Variants in ZFYVE9 observed in about 807,000 individuals in gnomAD.
The protein encoded by ZFYVE9 is zinc finger FYVE-type containing 9, also known as zinc finger FYVE domain-containing protein 9.
Under a neutral mutation model 126.7 loss-of-function variants are expected in ZFYVE9, and 43 were observed. That is an observed-to-expected ratio of 0.34 (90% CI 0.27 to 0.44). The LOEUF (loss-of-function observed/expected upper bound fraction) is 0.44. Among genes scored for constraint, ZFYVE9 ranks in the 20% least tolerant of loss-of-function variants. ZFYVE9 has a pLI of 1.00. For synonymous variants in ZFYVE9, 521 were observed against 597.4 expected (o/e 0.87, Z 1.87); for missense variants, 1,476 against 1,697.0 (o/e 0.87, Z 2.29).
intron 1 of ZFYVE9, chr1:52,160,268 T>G (rs1644444266): frequency 1.1e-6 from 1 of 902,244 alleles, no homozygotes; most frequent in South Asian, 1.3e-5. Context: ...CAATTAAATC[T>G]TTACAACAGT....
rs1330302768 is a variant in ZFYVE9 at position 52,238,442 on chromosome 1, A to C, written c.1025A>C (p.Lys342Thr). 6.2e-7 allele frequency: 1 copy of C among 1,614,112 alleles called. No homozygotes were observed. Among genetic ancestry groups the C allele is most frequent in the Admixed American group, 1.7e-5 (1 of 60,006 alleles). ...CGGTCTGGTTTACCTTTGCTTCTCA[A>C]ACCAGACATGCCTAATGGGTCTGGA... ...SLRSGLPLLL[K>T]PDMPNGSGRN... The change falls in exon 4 of 19, where the codon AAA (lysine) becomes ACA (threonine). Residue 342 changes from lysine (K) to threonine (T), a missense_variant. Physicochemically the swap from Lys to Thr is moderately conservative, Grantham distance 78 (BLOSUM62 -1). Around this residue, in one of 2 missense-constraint regions of ZFYVE9, gnomAD observed 807 missense variants for 794.6 expected, o/e 1.02. Transcript: ENST00000287727.
intron 1 of ZFYVE9, among the ~76,000 whole-genome samples, chr1:52,188,258 A>G (rs1644783338): frequency 6.6e-6 from 1 of 152,124 alleles, no homozygotes; most frequent in African/African-American, 2.4e-5. Context: ...TCTTACTTAT[A>G]AGTGAGAGCT....
intron 3 of ZFYVE9, among the ~76,000 whole-genome samples, chr1:52,235,338 C>T (rs1008010948): frequency 1.8e-4 from 27 of 152,088 alleles, no homozygotes; most frequent in Admixed American, 5.2e-4. Context: ...ACTGGGCAAT[C>T]AACATTATGC....
intron 1 of ZFYVE9, among the ~76,000 whole-genome samples, chr1:52,179,234 G>T (rs962753282): frequency 1.3e-5 from 2 of 152,162 alleles, no homozygotes; most frequent in African/African-American, 4.8e-5. Flanking sequence ...AGACATACTA[G>T]GTTTTAGGGA....
intron 10 of ZFYVE9, among the ~76,000 whole-genome samples, chr1:52,283,033 A>G (rs557151590): frequency 2.6e-5 from 4 of 152,294 alleles, no homozygotes; most frequent in African/African-American, 9.6e-5. Context: ...TACATTGGAA[A>G]CTGACCACAT....
At chr1:52,146,988 T>C (rs1644311719) in intron 1 of ZFYVE9, among the ~76,000 whole-genome samples, 1 of 152,166 alleles carries the variant, frequency 6.6e-6, no homozygotes, top group Non-Finnish European at 1.5e-5. Flanking sequence ...GTGGAAAAAT[T>C]CCACGCCTGA....
rs139291935 is a variant in ZFYVE9 at position 52,302,690 on chromosome 1, T to G, written c.3334-1131T>G. Among the ~76,000 whole-genome samples the G allele has an allele frequency of 1.0e-3, 153 of 151,134 alleles. 1 individual carries two copies. The highest frequency in any genetic ancestry group is 3.4e-3 in the Middle Eastern group (1 of 292). ...TGCTTGAACCTGGGAGGCAGAGGATTCAGTGAGCCAAGATTGCGCCACTGC... is the reference window on the plus strand; with the variant it reads ...TGCTTGAACCTGGGAGGCAGAGGATGCAGTGAGCCAAGATTGCGCCACTGC... On this transcript the variant is annotated intron_variant, in intron 12 of 18. Transcript: ENST00000287727.
intron 13 of ZFYVE9, among the ~76,000 whole-genome samples, chr1:52,317,502 GA>G (rs1377255009): frequency 2.8e-5 from 4 of 145,102 alleles, no homozygotes; most frequent in South Asian, 2.2e-4. Flanking sequence ...AAAAAAGAAA[GA>G]AAAAAAGACA....
intron 1 of ZFYVE9, among the ~76,000 whole-genome samples, chr1:52,168,581 G>T (rs1369730291): frequency 6.7e-6 from 1 of 150,152 alleles, no homozygotes; most frequent in Non-Finnish European, 1.5e-5. Context: ...GCGGTGGCTT[G>T]ATTGTGGCTC....
At chr1:52,233,400 A>G (rs1276435053) in intron 3 of ZFYVE9, 124 bp downstream of exon 3, 2 of 508,694 alleles carry the variant, frequency 3.9e-6, no homozygotes, top group African/African-American at 4.0e-5. Context: ...ATATTATTTA[A>G]TAATATACAG....
At chr1:52,159,453 G>C (rs968058421) in intron 1 of ZFYVE9, among the ~76,000 whole-genome samples, 4 of 152,208 alleles carry the variant, frequency 2.6e-5, no homozygotes, top group Non-Finnish European at 5.9e-5. Context: ...AATTGTCAGG[G>C]AGAGTCTCAG....
intron 1 of ZFYVE9, among the ~76,000 whole-genome samples, chr1:52,186,728 A>G (rs747693205): frequency 9.2e-5 from 14 of 152,232 alleles, no homozygotes; most frequent in Admixed American, 9.2e-4. Context: ...CACAAAAAGA[A>G]TAAAGTATTA....
intron 1 of ZFYVE9, among the ~76,000 whole-genome samples, chr1:52,195,531 T>C (rs1209292632): frequency 6.6e-6 from 1 of 152,202 alleles, no homozygotes; most frequent in Non-Finnish European, 1.5e-5. Context: ...GTATACATCT[T>C]GGAGGGCCTA....
In ZFYVE9 at chr1:52,238,837, C is replaced by G. The variant is rs1175465536; in HGVS notation, c.1420C>G (p.Leu474Val). The G allele has an allele frequency of 1.9e-6, 3 of 1,613,980 alleles. No individual in the cohort carries two copies. The South Asian group carries it at 3.3e-5, about 18-fold the overall frequency. Residue 474 changes from leucine to valine, a missense_variant, in exon 4 of 19, where the codon CTA becomes GTA. Physicochemically the swap from Leu to Val is conservative, Grantham distance 32. Coordinates refer to ENST00000287727, the MANE Select transcript of ZFYVE9 (RefSeq NM_004799.4). ...TATAGACACACCAGCAGCAAATTAT[C>G]TATCTAATGGTTGTGATTCCTATGG... is the stretch of plus-strand genomic sequence containing the variant. ...TVIDTPAANY[L>V]SNGCDSYGMQ...
At chr1:52,320,861 T>A (rs1198812187) in intron 13 of ZFYVE9, among the ~76,000 whole-genome samples, 1 of 152,184 alleles carries the variant, frequency 6.6e-6, no homozygotes, top group Non-Finnish European at 1.5e-5. Flanking sequence ...TCAGTTATTT[T>A]AAATATAACT....
intron 3 of ZFYVE9, among the ~76,000 whole-genome samples, chr1:52,237,180 G>A (rs533271660): frequency 1.3e-5 from 2 of 151,960 alleles, no homozygotes; most frequent in South Asian, 2.1e-4. Flanking sequence ...ACCTGTCCTG[G>A]CTTTGCTCAA....
At chr1:52,317,884 G>C (rs1403225021) in intron 13 of ZFYVE9, among the ~76,000 whole-genome samples, 1 of 152,000 alleles carries the variant, frequency 6.6e-6, no homozygotes, top group East Asian at 1.9e-4. Context: ...AACCTAAATA[G>C]CCCTGTATTT....
chr1:52,155,234 C>CTTTT (rs202048189), intron 1 of ZFYVE9, among the ~76,000 whole-genome samples: 8 of 129,086 alleles, frequency 6.2e-5, no homozygotes, highest in African/African-American at 1.5e-4. Context: ...TCTTTTTTTT[C>CTTTT]TTTTTTTTTT....
rs561264335 is a variant in ZFYVE9, at chr1:52,210,665, A to C, written c.-142-5704A>C. Among the ~76,000 whole-genome samples, 15 of 151,552 alleles carry C rather than the reference A, an allele frequency of 9.9e-5. No individual in the cohort carries two copies. In the South Asian group the frequency reaches 1.5e-3, roughly 15 times the overall value. ...TAATTAGGTGGTTCTCTCTCTCTCTATTTTTTTGAGACATAGTCTCACTGT... is the reference window on the plus strand; with the variant it reads ...TAATTAGGTGGTTCTCTCTCTCTCTCTTTTTTTGAGACATAGTCTCACTGT... On this transcript the variant is annotated intron_variant, in intron 1 of 18. Transcript: ENST00000287727.
Sources: gnomAD v4.1 joint callset for allele counts (sites outside exome capture counted in the v4.1 genomes callset) on GRCh38, gnomAD v4.1.1 for gene constraint, gnomAD v4.1.1 regional missense constraint, MANE v1.5 for transcripts, NCBI Gene and HGNC (gene_info 2026-07-23, HGNC 2026-07-21) for gene names.